The following PPM1B variants were observed in gnomAD, a reference collection of about 807,000 sequenced individuals.
PPM1B encodes the protein protein phosphatase 1B.
A neutral mutation model predicts 43.0 loss-of-function variants in PPM1B; 22 were observed. The observed-to-expected ratio is 0.51, with a 90% CI of 0.37 to 0.73. PPM1B has a LOEUF of 0.73. PPM1B is among the 30% of genes least tolerant of loss of function. The pLI, the probability that PPM1B is intolerant of heterozygous loss-of-function variation, is 0.00. For synonymous variants in PPM1B, 217 were observed against 197.9 expected, an observed-to-expected ratio of 1.10 and a Z score of -0.81; for missense variants, 632 against 584.2, an observed-to-expected ratio of 1.08 and a Z score of -0.84.
intron 3 of PPM1B, among the ~76,000 whole-genome samples, chr2:44,211,891 A>C (rs1016285537): frequency 6.6e-6 from 1 of 151,938 alleles, no homozygotes; most frequent in Non-Finnish European, 1.5e-5. Context: ...CTGGGATTAC[A>C]GGCATGTGCC....
chr2:44,198,095 GT>G (rs1221277096), intron 1 of PPM1B, among the ~76,000 whole-genome samples: 7 of 152,154 alleles, frequency 4.6e-5, no homozygotes, highest in African/African-American at 1.7e-4. Flanking sequence ...CTAAAAAAGT[GT>G]GCCAAGTGCA....
chr2:44,175,896 C>T (rs1667561004), intron 1 of PPM1B, among the ~76,000 whole-genome samples: 1 of 151,838 alleles, frequency 6.6e-6, no homozygotes, highest in Non-Finnish European at 1.5e-5. Context: ...GACAATTCTC[C>T]TGCCTCAGTC....
At chr2:44,176,755 G>A (rs760892685) in intron 1 of PPM1B, among the ~76,000 whole-genome samples, 25 of 152,108 alleles carry the variant, frequency 1.6e-4, no homozygotes, top group African/African-American at 5.8e-4. Context: ...TTATGAGTCA[G>A]TTTCATTTGA....
intron 1 of PPM1B, among the ~76,000 whole-genome samples, chr2:44,199,027 G>A (rs1229981840): frequency 2.0e-5 from 3 of 152,038 alleles, no homozygotes; most frequent in African/African-American, 7.2e-5. Context: ...GGGAGGCCGA[G>A]GTGGGCAGAT....
intron 2 of PPM1B, 149 bp downstream of exon 2, chr2:44,202,194 T>G: frequency 1.2e-6 from 1 of 817,832 alleles, no homozygotes; most frequent in Non-Finnish European, 1.7e-6. Flanking sequence ...AAACCATTGT[T>G]TTCTTTGCCA....
chr2:44,233,015 C>T (rs1670513120), downstream of PPM1B: 1 of 982,954 alleles, frequency 1.0e-6, no homozygotes, highest in Non-Finnish European at 1.2e-6. Flanking sequence ...TCCTTCAACT[C>T]TCACTAGAAA....
chr2:44,172,822 G>A (rs568498160), intron 1 of PPM1B, among the ~76,000 whole-genome samples: 2 of 152,152 alleles, frequency 1.3e-5, no homozygotes, highest in Non-Finnish European at 2.9e-5. Flanking sequence ...TGGGAGGATC[G>A]CTTGAGCCAG....
chr2:44,201,182 T>C lies in PPM1B; in HGVS notation c.-14-4T>C, dbSNP rs1558407791. On this transcript the variant is annotated splice_region_variant and splice_polypyrimidine_tract_variant and intron_variant, in intron 1 of 5. Transcript: ENST00000282412. This position sits in a 1 kb window ranked among gnomAD's most constrained non-coding sequence, Gnocchi z 5.4. The stretch of plus-strand genomic sequence containing the variant: ...ACATTTAACACCTGCATTTTTTATT[T>C]CAGATTTATTGCTAAACATGGGTGC... The C allele has an allele frequency of 7.0e-6, 11 of 1,565,254 alleles. No individual in the cohort carries two copies. The highest frequency in any genetic ancestry group is 1.4e-5 in the African/African-American group (1 of 73,236).
intron 3 of PPM1B, among the ~76,000 whole-genome samples, chr2:44,210,008 C>A (rs1183328332): frequency 6.6e-6 from 1 of 152,030 alleles, no homozygotes; most frequent in East Asian, 1.9e-4. Flanking sequence ...TGCGTACATT[C>A]CTAGTAGTAA....
chr2:44,192,908 T>G (rs1668474414), intron 1 of PPM1B, among the ~76,000 whole-genome samples: 1 of 152,264 alleles, frequency 6.6e-6, no homozygotes, highest in South Asian at 2.1e-4. Flanking sequence ...CCTTCTTTTT[T>G]TAAGGCTGAA....
At chr2:44,237,963 C>T (rs1158695434), downstream of PPM1B, among the ~76,000 whole-genome samples, 3 of 152,156 alleles carry the variant, frequency 2.0e-5, no homozygotes, top group African/African-American at 4.8e-5. Context: ...TGCAATGGCA[C>T]GATCTCGGCT....
At chr2:44,197,878 A>G (rs1558405140) in intron 1 of PPM1B, among the ~76,000 whole-genome samples, 1 of 152,210 alleles carries the variant, frequency 6.6e-6, no homozygotes, top group Admixed American at 6.5e-5. Flanking sequence ...TATAGAACTC[A>G]TTAAAAAATG....
At chr2:44,191,298 C>G (rs1346072626) in intron 1 of PPM1B, among the ~76,000 whole-genome samples, 1 of 152,150 alleles carries the variant, frequency 6.6e-6, no homozygotes, top group Non-Finnish European at 1.5e-5. Flanking sequence ...ACTGCAACCT[C>G]TGCATCCCAG....
intron 1 of PPM1B, among the ~76,000 whole-genome samples, chr2:44,187,922 T>C (rs1668203574): frequency 6.6e-6 from 1 of 152,148 alleles, no homozygotes; most frequent in Non-Finnish European, 1.5e-5. Context: ...GGCTAACTTT[T>C]TGTATTTTTA....
chr2:44,226,874 A>G (rs1437723544), intron 5 of PPM1B, among the ~76,000 whole-genome samples: 1 of 150,158 alleles, frequency 6.7e-6, no homozygotes, highest in Non-Finnish European at 1.5e-5. Flanking sequence ...TCATTAGAGT[A>G]TACTTATCAC....
At position 44,230,569 on chromosome 2, in the gene PPM1B, G is replaced by T. The variant is rs748811921; in HGVS notation, c.1291G>T (p.Glu431Ter). Residue 431 changes from glutamate to a stop codon, truncating the protein, a stop_gained, in exon 6 of 6, where the codon GAA becomes TAA. Coordinates refer to ENST00000282412, the MANE Select transcript of PPM1B (RefSeq NM_002706.6). LOFTEE classifies it high-confidence loss of function. ...AKVEGEESPA[E>*]PAATATSSNS... ...AGTAGAGGGAGAAGAAAGCCCTGCT[G>T]AACCAGCTGCCACAGCTACTTCTTC... 1.9e-6 allele frequency: 3 copies of T among 1,614,136 alleles called. No homozygotes were observed. Among genetic ancestry groups the T allele is most frequent in the Non-Finnish European group, 2.5e-6 (3 of 1,180,016 alleles).
At chr2:44,240,337 T>C (rs1236541595) in intron 5 of PPM1B, among the ~76,000 whole-genome samples, 6 of 146,234 alleles carry the variant, frequency 4.1e-5, no homozygotes, top group South Asian at 4.7e-4. Context: ...TGGGACCATG[T>C]TGCTCACTCA....
chr2:44,230,109 G>A, intron 5 of PPM1B: 1 of 1,482,844 alleles, frequency 6.7e-7, no homozygotes, highest in Non-Finnish European at 8.9e-7. Flanking sequence ...AAGTAAGTCA[G>A]TTTTAGGAAA....
At chr2:44,225,733 T>A (rs933729073) in intron 5 of PPM1B, among the ~76,000 whole-genome samples, 4 of 152,134 alleles carry the variant, frequency 2.6e-5, no homozygotes, top group Non-Finnish European at 5.9e-5. Flanking sequence ...CTCGGCTCAC[T>A]GTAACCTCTG....
Sources: allele counts gnomAD v4.1 joint callset (sites outside exome capture counted in the v4.1 genomes callset), GRCh38; gene constraint gnomAD v4.1.1; non-coding constraint Gnocchi (gnomAD v3.1); transcripts MANE v1.5; gene names NCBI Gene and HGNC (gene_info 2026-07-23, HGNC 2026-07-21).